The following GALNT9 variants were observed in gnomAD, a reference collection of about 807,000 sequenced individuals.
GALNT9 encodes polypeptide N-acetylgalactosaminyltransferase 9, also known as GalNAc transferase 9.
Under a neutral mutation model 63.1 loss-of-function variants are expected in GALNT9, and 47 were observed. The ratio of observed to expected loss-of-function variants is 0.75; its 90% CI spans 0.59 to 0.95. The LOEUF is 0.95. Among genes scored for constraint, GALNT9 ranks in the 40% least tolerant of loss-of-function variants. The pLI, the probability that GALNT9 is intolerant of heterozygous loss-of-function variation, is 0.00. For missense variants in GALNT9, 829 were observed against 874.8 expected (o/e 0.95, Z 0.66); for synonymous variants, 396 against 365.7 (o/e 1.08, Z -0.94).
In GALNT9 at chr12:132,329,254, G is replaced by A; in HGVS notation, c.-51C>T. 2 of 1,516,888 alleles carry A rather than the reference G, an allele frequency of 1.3e-6. No homozygotes were observed. Among genetic ancestry groups the A allele is most frequent in the South Asian group, 1.2e-5 (1 of 80,070 alleles). The allele number at this position is 1,516,888 out of a possible 1,614,324, so 94.0% of individuals were successfully genotyped here. A position where few individuals can be genotyped will look rare whatever the true frequency, so the allele number is the denominator to read the frequency against. On this transcript the variant is annotated 5_prime_UTR_variant, in exon 1 of 11. Coordinates refer to ENST00000328957, the MANE Select transcript of GALNT9 (RefSeq NM_001122636.2). The stretch of plus-strand genomic sequence containing the variant: ...CCCGCGGGGCATCCCCAGCATCCCC[G>A]CCCGGGCCTGGGCTTCAGCTTCGGC...
At chr12:132,207,150 G>A (rs1455280296) in intron 6 of GALNT9, among the ~76,000 whole-genome samples, 1 of 152,280 alleles carries the variant, frequency 6.6e-6, no homozygotes, top group Admixed American at 6.5e-5. Flanking sequence ...TAGAGCCGCC[G>A]TCCTTGCCCC....
chr12:132,302,134 T>G lies in GALNT9; in HGVS notation c.239-15704A>C, dbSNP rs1005704438. On this transcript the variant is annotated intron_variant, in intron 1 of 10. Coordinates refer to ENST00000328957, the MANE Select transcript of GALNT9 (RefSeq NM_001122636.2). ...TTTTCCAGAAGGTTTAGATTAGTTT[T>G]GTTTCACTGCCAGCAATATATGCTT... Among the ~76,000 whole-genome samples, 5 of 152,276 alleles carry G rather than the reference T, an allele frequency of 3.3e-5. No individual in the cohort carries two copies. The East Asian group carries it at 9.6e-4, about 29-fold the overall frequency.
intron 2 of GALNT9, chr12:132,283,485 TC>T (rs1290942416): frequency 6.6e-6 from 1 of 152,664 alleles, no homozygotes; most frequent in Non-Finnish European, 1.5e-5. Context: ...ATCCGGCCCC[TC>T]CTTGCCCCGG....
chr12:132,260,899 TG>T (rs1264538500), intron 4 of GALNT9, 48 bp downstream of exon 4: 2 of 1,470,080 alleles, frequency 1.4e-6, no homozygotes, highest in African/African-American at 2.9e-5. Flanking sequence ...AGGGGGATGG[TG>T]GAGGGGGACC....
intron 6 of GALNT9, among the ~76,000 whole-genome samples, chr12:132,235,415 CAGG>C (rs1877966780): frequency 6.6e-6 from 1 of 152,040 alleles, no homozygotes. Context: ...GAGAGGTGGA[CAGG>C]AGGAGAGAGC....
At chr12:132,255,856 G>A (rs1879088373) in intron 5 of GALNT9, among the ~76,000 whole-genome samples, 1 of 152,098 alleles carries the variant, frequency 6.6e-6, no homozygotes. Flanking sequence ...GCGCCTTTGC[G>A]ATCTTCACGC....
chr12:132,209,633 C>T (rs373701576), intron 6 of GALNT9, among the ~76,000 whole-genome samples: 19 of 152,254 alleles, frequency 1.2e-4, no homozygotes, highest in South Asian at 1.2e-3. Context: ...GTCATCCTCA[C>T]GGCTCATTTT....
intron 6 of GALNT9, among the ~76,000 whole-genome samples, chr12:132,225,703 ACT>A (rs1480526433): frequency 1.4e-5 from 2 of 139,420 alleles, no homozygotes; most frequent in Non-Finnish European, 3.1e-5. Context: ...CCATACACAC[ACT>A]GTACGTACAC....
chr12:132,250,857 C>T (rs1878888399), intron 5 of GALNT9, among the ~76,000 whole-genome samples: 1 of 152,160 alleles, frequency 6.6e-6, no homozygotes, highest in African/African-American at 2.4e-5. Flanking sequence ...TGGGCACCGC[C>T]CGTGTGGGTG....
chr12:132,303,395 G>GCCGGGGCACACCCTCA (rs1881389862), intron 1 of GALNT9, among the ~76,000 whole-genome samples: 1 of 93,278 alleles, frequency 1.1e-5, no homozygotes, highest in Non-Finnish European at 2.2e-5. Flanking sequence ...GCACAGCCTC[G>GCCGGGGCACACCCTCA]CCCGGGCACA....
chr12:132,304,291 G>A (rs868988025), intron 1 of GALNT9, among the ~76,000 whole-genome samples: 16 of 39,916 alleles, frequency 4.0e-4, no homozygotes, highest in South Asian at 1.3e-3. Flanking sequence ...GCACACCCTC[G>A]CCCGGACACA....
rs1326616266 is a variant in GALNT9 at position 132,236,070 on chromosome 12, C to T, written c.1077+11840G>A. Among the ~76,000 whole-genome samples the T allele has an allele frequency of 3.5e-5, 3 of 85,270 alleles. No individual in the cohort carries two copies. The highest frequency in any genetic ancestry group is 4.9e-5 in the African/African-American group (1 of 20,478). 55.9% of individuals were successfully genotyped at this position (85,270 alleles called of 152,430 possible). ...CTCGGGACAGGGCAGGAGGGTCCCC[C>T]GGGCTGGAGTTCAACCCTCGGGACA... On this transcript the variant is annotated intron_variant, in intron 6 of 10. Transcript: ENST00000328957. The surrounding 1 kb of genome is among the most constrained non-coding windows in gnomAD (Gnocchi z 5.6).
intron 5 of GALNT9, among the ~76,000 whole-genome samples, chr12:132,249,016 A>G (rs550321819): frequency 3.9e-5 from 6 of 152,320 alleles, no homozygotes; most frequent in Admixed American, 3.9e-4. Flanking sequence ...GTGCGAGCTC[A>G]TTCACTCATC....
At chr12:132,295,923 CGGCCTCCGAACAG>C (rs1881047556) in intron 1 of GALNT9, among the ~76,000 whole-genome samples, 1 of 44,990 alleles carries the variant, frequency 2.2e-5, no homozygotes, top group African/African-American at 1.7e-4. Context: ...CGAACAGGGA[CGGCCTCCGAACAG>C]GGACGGCCTC....
chr12:132,256,480 G>T (rs1286677607), intron 5 of GALNT9, among the ~76,000 whole-genome samples: 1 of 151,084 alleles, frequency 6.6e-6, no homozygotes, highest in Non-Finnish European at 1.5e-5. Context: ...GTGAACGTTT[G>T]TGTGGAAGCC....
At chr12:132,269,218 C>A (rs532332736) in intron 2 of GALNT9, among the ~76,000 whole-genome samples, 40 of 151,960 alleles carry the variant, frequency 2.6e-4, no homozygotes, top group African/African-American at 8.4e-4. Flanking sequence ...GGCAGCGTCA[C>A]CTGCCCGACT....
In GALNT9 at chr12:132,303,566, GCCTCGCCCGGGCACAC is replaced by G. The variant is rs1311746122; in HGVS notation, c.239-17152_239-17137del. ...CCGGGCACACCCTCACCCAGACACA[GCCTCGCCCGGGCACAC>G]CCTCGCCCGGGCACACCCTCGCCCG... On this transcript the variant is annotated intron_variant, in intron 1 of 10. Transcript: ENST00000328957. Among the ~76,000 whole-genome samples, 7 of 22,196 alleles carry G rather than the reference GCCTCGCCCGGGCACAC, an allele frequency of 3.2e-4. 1 individual carries two copies. The highest frequency in any genetic ancestry group is 5.6e-4 in the African/African-American group (3 of 5,374). The allele number at this position is 22,196 out of a possible 152,430, so 14.6% of individuals were successfully genotyped here.
At chr12:132,299,603 C>T (rs1881215198) in intron 1 of GALNT9, among the ~76,000 whole-genome samples, 1 of 134,132 alleles carries the variant, frequency 7.5e-6, no homozygotes, top group Non-Finnish European at 1.6e-5. Flanking sequence ...ACTCCCACCA[C>T]ACCTAACCCA....
intron 6 of GALNT9, among the ~76,000 whole-genome samples, chr12:132,206,862 A>C (rs1047296087): frequency 1.3e-5 from 2 of 152,128 alleles, no homozygotes; most frequent in Non-Finnish European, 2.9e-5. Flanking sequence ...CATTAAAAAA[A>C]CCAGCGAGCC....
Sources: gnomAD v4.1 joint callset for allele counts (sites outside exome capture counted in the v4.1 genomes callset) on GRCh38, gnomAD v4.1.1 for gene constraint, Gnocchi (gnomAD v3.1) non-coding constraint, MANE v1.5 for transcripts, NCBI Gene and HGNC (gene_info 2026-07-23, HGNC 2026-07-21) for gene names.